CACNA2D3: variants seen among roughly 807,000 people sequenced by gnomAD.
The protein encoded by CACNA2D3 is voltage-dependent calcium channel subunit alpha-2/delta-3.
CACNA2D3 carries 60 observed loss-of-function variants against 160.6 expected under a neutral mutation model. That is an observed-to-expected ratio of 0.37 (90% CI 0.30 to 0.46). The LOEUF is 0.46. CACNA2D3 is among the 20% of genes least tolerant of loss of function. The pLI is 1.00. For missense variants in CACNA2D3, 1,205 were observed against 1,365.0 expected (o/e 0.88, Z 1.85); for synonymous variants, 558 against 492.9 (o/e 1.13, Z -1.75).
intron 4 of CACNA2D3, among the ~76,000 whole-genome samples, chr3:54,406,228 G>T (rs9811826): frequency 0.33 from 50,833 of 151,834 alleles, 8,792 homozygotes; most frequent in East Asian, 0.4. Flanking sequence ...CACCACCTCA[G>T]AAAGATACCT....
chr3:54,453,312 G>T (rs1700341156), intron 4 of CACNA2D3, among the ~76,000 whole-genome samples: 1 of 152,154 alleles, frequency 6.6e-6, no homozygotes, highest in Non-Finnish European at 1.5e-5. Context: ...TATAAGGACA[G>T]CGGTTATATT....
intron 10 of CACNA2D3, among the ~76,000 whole-genome samples, chr3:54,630,714 C>G (rs1410570781): frequency 6.6e-6 from 1 of 152,106 alleles, no homozygotes; most frequent in African/African-American, 2.4e-5. Flanking sequence ...TTTCACAGGG[C>G]CTACTAAGAC....
At chr3:54,494,493 G>A (rs753726471) in intron 4 of CACNA2D3, among the ~76,000 whole-genome samples, 11 of 152,188 alleles carry the variant, frequency 7.2e-5, no homozygotes, top group Admixed American at 2.0e-4. Context: ...CAGAGAGCCT[G>A]TGCATGAACC....
chr3:54,195,544 G>A (rs1701063026), intron 2 of CACNA2D3, among the ~76,000 whole-genome samples: 1 of 152,202 alleles, frequency 6.6e-6, no homozygotes, highest in South Asian at 2.1e-4. Flanking sequence ...ATGTGAAGTT[G>A]ATGCAGTTAT....
chr3:54,797,340 A>G (rs1167786187), intron 13 of CACNA2D3, among the ~76,000 whole-genome samples: 1 of 152,232 alleles, frequency 6.6e-6, no homozygotes, highest in Non-Finnish European at 1.5e-5. Flanking sequence ...GAAGAACACA[A>G]TGATGAACCT....
chr3:54,739,349 G>A (rs145797095), intron 11 of CACNA2D3, among the ~76,000 whole-genome samples: 1 of 149,828 alleles, frequency 6.7e-6, no homozygotes, highest in Non-Finnish European at 1.5e-5. Context: ...GAACCTGGGA[G>A]GCAGAGGTTG....
intron 2 of CACNA2D3, among the ~76,000 whole-genome samples, chr3:54,151,957 C>T (rs1700159683): frequency 6.6e-6 from 1 of 152,216 alleles, no homozygotes; most frequent in African/African-American, 2.4e-5. Context: ...TTTCAAGCAC[C>T]TTTGCAGGTC....
chr3:54,333,129 A>G (rs534549837), intron 3 of CACNA2D3, among the ~76,000 whole-genome samples: 2 of 152,080 alleles, frequency 1.3e-5, no homozygotes, highest in South Asian at 2.1e-4. Flanking sequence ...GAGCAAGACA[A>G]GGGGTTTTTT....
intron 20 of CACNA2D3, among the ~76,000 whole-genome samples, chr3:54,879,812 A>G (rs1404692266): frequency 6.6e-6 from 1 of 152,184 alleles, no homozygotes; most frequent in Non-Finnish European, 1.5e-5. Context: ...ATCCATTCCT[A>G]CATGTTGTGC....
At chr3:54,139,732 G>A (rs1205201562) in intron 2 of CACNA2D3, among the ~76,000 whole-genome samples, 1 of 152,128 alleles carries the variant, frequency 6.6e-6, no homozygotes, top group African/African-American at 2.4e-5. Flanking sequence ...ACTAAATGAC[G>A]TTAATTGCTT....
At chr3:54,201,993 G>A (rs936032566) in intron 2 of CACNA2D3, among the ~76,000 whole-genome samples, 6 of 152,278 alleles carry the variant, frequency 3.9e-5, no homozygotes, top group African/African-American at 1.4e-4. Context: ...GGGGCACTCA[G>A]TTAAATTTGA....
chr3:54,747,836 C>G (rs868737027), intron 11 of CACNA2D3, among the ~76,000 whole-genome samples: 1 of 152,200 alleles, frequency 6.6e-6, no homozygotes, highest in Admixed American at 6.5e-5. Flanking sequence ...GCCATCTTAT[C>G]AGGAAGACCT....
At chr3:54,975,534 A>AC (rs1450361213) in intron 29 of CACNA2D3, among the ~76,000 whole-genome samples, 6 of 145,154 alleles carry the variant, frequency 4.1e-5, no homozygotes, top group Admixed American at 2.1e-4. Flanking sequence ...AAAAAAAAAA[A>AC]AAAAAAAAAA....
At chr3:54,490,313 A>G (rs557473478) in intron 4 of CACNA2D3, among the ~76,000 whole-genome samples, 9 of 105,778 alleles carry the variant, frequency 8.5e-5, no homozygotes, top group African/African-American at 3.3e-4. Flanking sequence ...CTCAGCAGTA[A>G]GCACCGTTCC....
intron 11 of CACNA2D3, among the ~76,000 whole-genome samples, chr3:54,682,036 A>G (rs1559547974): frequency 6.6e-6 from 1 of 152,062 alleles, no homozygotes; most frequent in Non-Finnish European, 1.5e-5. Flanking sequence ...AAAATAAGTG[A>G]CCTGCCCAAA....
intron 9 of CACNA2D3, among the ~76,000 whole-genome samples, chr3:54,590,912 A>G (rs1008372381): frequency 6.6e-6 from 1 of 152,242 alleles, no homozygotes; most frequent in African/African-American, 2.4e-5. Flanking sequence ...TATATAAAAA[A>G]GTACTGATTG....
At chr3:54,745,368 G>C (rs188649868) in intron 11 of CACNA2D3, among the ~76,000 whole-genome samples, 197 of 152,036 alleles carry the variant, frequency 1.3e-3, no homozygotes, top group African/African-American at 3.8e-3. Flanking sequence ...GATGAAGGGA[G>C]GTGATTGGAG....
chr3:54,567,037 G>A (rs1702419819), intron 6 of CACNA2D3, among the ~76,000 whole-genome samples: 2 of 152,140 alleles, frequency 1.3e-5, no homozygotes, highest in African/African-American at 4.8e-5. Context: ...AGCTCAACAG[G>A]ACTGCCCTAA....
chr3:54,521,949 G>C (rs926436047), intron 5 of CACNA2D3, among the ~76,000 whole-genome samples: 3 of 152,228 alleles, frequency 2.0e-5, no homozygotes, highest in African/African-American at 7.2e-5. Context: ...TTATTTTGTA[G>C]TAAAATTTGA....
Sources: allele counts gnomAD v4.1 joint callset (sites outside exome capture counted in the v4.1 genomes callset), GRCh38; gene constraint gnomAD v4.1.1; transcripts MANE v1.5; gene names NCBI Gene and HGNC (gene_info 2026-07-23, HGNC 2026-07-21).